RBFOX1: variants seen among roughly 807,000 people sequenced by gnomAD.
The protein encoded by RBFOX1 is RNA binding fox-1 homolog 1.
RBFOX1 carries 8 observed loss-of-function variants against 57.7 expected under a neutral mutation model. That is an observed-to-expected ratio of 0.14 (90% CI 0.08 to 0.25). RBFOX1 has a LOEUF of 0.25. Among genes scored for constraint, RBFOX1 ranks in the 10% least tolerant of loss-of-function variants. The probability of loss-of-function intolerance (pLI) is 1.00; values close to 1 mark genes in which losing one functional copy is unlikely to be tolerated. For synonymous variants in RBFOX1, 326 were observed against 222.4 expected, an observed-to-expected ratio of 1.47 and a Z score of -4.15; for missense variants, 611 against 548.5, an observed-to-expected ratio of 1.11 and a Z score of -1.14.
In RBFOX1 at chr16:6,157,308, ACTTCTCT is replaced by A. The variant is rs779656243; in HGVS notation, c.-127+137317_-127+137323del. 2.4e-3 allele frequency among the ~76,000 whole-genome samples: 359 copies of A among 152,188 alleles called. 1 individual carries two copies. Among genetic ancestry groups the A allele is most frequent in the Admixed American group, 3.7e-3 (56 of 15,284 alleles). ...GGTAAGCCCAGAAACCATTTGCCCT[ACTTCTCT>A]GGGCAAATGGTTGCCAGATACAACA... On this transcript the variant is annotated intron_variant, in intron 1 of 15. Transcript: ENST00000550418.
At chr16:7,280,946 TC>T (rs1310985783) in intron 4 of RBFOX1, among the ~76,000 whole-genome samples, 1,717 of 132,438 alleles carry the variant, frequency 0.013, 33 homozygotes, top group African/African-American at 0.027. Context: ...TGCATGTGAT[TC>T]CCTACCTACC....
rs556383783 is a variant in RBFOX1 at position 7,165,440 on chromosome 16, A to G, written c.27+113342A>G. 1.0e-4 allele frequency among the ~76,000 whole-genome samples: 14 copies of G among 134,820 alleles called. No individual in the cohort carries two copies. The South Asian group carries it at 3.1e-3, about 30-fold the overall frequency. 88.4% of individuals were successfully genotyped at this position (134,820 alleles called of 152,430 possible). ...TAATCATTATTATTATTATTATTTT[A>G]CCATTTGAGATGGAGTTTCGCTCTT... On this transcript the variant is annotated intron_variant, in intron 4 of 15. Coordinates refer to ENST00000550418, the MANE Select transcript of RBFOX1 (RefSeq NM_018723.4).
intron 3 of RBFOX1, among the ~76,000 whole-genome samples, chr16:6,771,602 C>G (rs999148796): frequency 3.9e-5 from 6 of 152,200 alleles, no homozygotes; most frequent in South Asian, 2.1e-4. Context: ...TTTCTGATGC[C>G]TAACTCAGCA....
At chr16:7,331,777 G>C (rs1344146066) in intron 4 of RBFOX1, among the ~76,000 whole-genome samples, 1 of 152,126 alleles carries the variant, frequency 6.6e-6, no homozygotes, top group South Asian at 2.1e-4. Context: ...TGACACCCAA[G>C]TCAGTATAAT....
chr16:6,921,342 G>T (rs1275008368), intron 3 of RBFOX1, among the ~76,000 whole-genome samples: 1 of 152,152 alleles, frequency 6.6e-6, no homozygotes, highest in Non-Finnish European at 1.5e-5. Flanking sequence ...CCTGTCAGGT[G>T]GGTTGTGTTC....
intron 3 of RBFOX1, among the ~76,000 whole-genome samples, chr16:6,958,441 G>C (rs1348295291): frequency 6.6e-6 from 1 of 152,104 alleles, no homozygotes; most frequent in Non-Finnish European, 1.5e-5. Flanking sequence ...CATTGGGCAA[G>C]GACCTTCTCG....
At chr16:6,645,100 G>C (rs966058050) in intron 2 of RBFOX1, among the ~76,000 whole-genome samples, 1 of 152,142 alleles carries the variant, frequency 6.6e-6, no homozygotes, top group Non-Finnish European at 1.5e-5. Flanking sequence ...TGGTAGCTTA[G>C]TGTCACATGA....
intron 3 of RBFOX1, among the ~76,000 whole-genome samples, chr16:6,692,162 A>G (rs1328795200): frequency 6.6e-6 from 1 of 152,218 alleles, no homozygotes; most frequent in Admixed American, 6.5e-5. Context: ...TATTTTACAG[A>G]TGACAAAACC....
At chr16:5,353,442 G>A (rs2065309335) in intron 1 of RBFOX1, among the ~76,000 whole-genome samples, 2 of 151,684 alleles carry the variant, frequency 1.3e-5, no homozygotes, top group Non-Finnish European at 1.5e-5. Flanking sequence ...CCGCCCCTCT[G>A]TGTGTGGTGT....
intron 5 of RBFOX1, among the ~76,000 whole-genome samples, chr16:7,547,123 C>G (rs1452506370): frequency 6.6e-6 from 1 of 152,078 alleles, no homozygotes; most frequent in Non-Finnish European, 1.5e-5. Context: ...ATAATGGTTT[C>G]TAAACAGCAC....
At chr16:6,895,416 A>ATG (rs1283665182) in intron 3 of RBFOX1, among the ~76,000 whole-genome samples, 6 of 79,902 alleles carry the variant, frequency 7.5e-5, no homozygotes, top group South Asian at 5.2e-4. Context: ...TGTTAGTAAT[A>ATG]TATGTGTGTG....
At chr16:7,630,493 G>T (rs940850989) in intron 10 of RBFOX1, 110 bp from the exon 11 acceptor site, 2 of 1,545,106 alleles carry the variant, frequency 1.3e-6, no homozygotes, top group Non-Finnish European at 1.7e-6. Context: ...TGCGCTCTGG[G>T]ATGTGGCTAT....
Position 6,243,599 on chromosome 16 carries a change from C to T in RBFOX1, c.-126-73396C>T, listed in dbSNP as rs537943652. 7.2e-5 allele frequency among the ~76,000 whole-genome samples: 11 copies of T among 152,250 alleles called. 1 individual carries two copies. The highest frequency in any genetic ancestry group is 2.1e-4 in the South Asian group (1 of 4,826). ...CCTCTAATCATGGTCCGTATAGACT[C>T]GGGTCAGGTGGACCCACCTCAGATT... On this transcript the variant is annotated intron_variant, in intron 1 of 15. Transcript: ENST00000550418.
intron 3 of RBFOX1, among the ~76,000 whole-genome samples, chr16:5,814,402 C>T (rs1269366398): frequency 1.3e-5 from 2 of 152,150 alleles, no homozygotes; most frequent in Non-Finnish European, 2.9e-5. Context: ...AACTTTTTCC[C>T]TCTTCCGAAG....
intron 1 of RBFOX1, among the ~76,000 whole-genome samples, chr16:6,096,646 C>T (rs777092293): frequency 6.6e-6 from 1 of 152,294 alleles, no homozygotes; most frequent in South Asian, 2.1e-4. Context: ...GGGTTTGATA[C>T]AGTGGCATCA....
intron 4 of RBFOX1, among the ~76,000 whole-genome samples, chr16:7,489,687 T>A (rs1325406812): frequency 1.3e-5 from 2 of 151,842 alleles, no homozygotes; most frequent in Non-Finnish European, 2.9e-5. Context: ...AGAAAATTGT[T>A]TTTTATTTTT....
intron 1 of RBFOX1, among the ~76,000 whole-genome samples, chr16:6,266,924 T>C (rs17139728): frequency 0.018 from 2,682 of 152,272 alleles, 88 homozygotes; most frequent in African/African-American, 0.058. Context: ...TTCCATACTC[T>C]TAGCAGAGTG....
At chr16:5,516,492 A>G (rs905141724) in intron 2 of RBFOX1, among the ~76,000 whole-genome samples, 1 of 152,352 alleles carries the variant, frequency 6.6e-6, no homozygotes, top group South Asian at 2.1e-4. Context: ...TAATAAGCAT[A>G]ATAATGTCCA....
At chr16:6,525,994 C>T (rs893349129) in intron 2 of RBFOX1, among the ~76,000 whole-genome samples, 1 of 152,046 alleles carries the variant, frequency 6.6e-6, no homozygotes, top group Non-Finnish European at 1.5e-5. Context: ...AAAAATGACC[C>T]CAAGATATCC....
Sources: gnomAD v4.1 joint callset for allele counts (sites outside exome capture counted in the v4.1 genomes callset) on GRCh38, gnomAD v4.1.1 for gene constraint, MANE v1.5 for transcripts, NCBI Gene and HGNC (gene_info 2026-07-23, HGNC 2026-07-21) for gene names.